The following PRKACB variants were observed in gnomAD, a reference collection of about 807,000 sequenced individuals.
PRKACB encodes the protein protein kinase cAMP-activated catalytic subunit beta.
A neutral mutation model predicts 51.4 loss-of-function variants in PRKACB; 16 were observed. That is an observed-to-expected ratio of 0.31 (90% CI 0.21 to 0.47). PRKACB has a LOEUF of 0.47. Among genes scored for constraint, PRKACB ranks in the 20% least tolerant of loss-of-function variants. PRKACB has a pLI of 1.00. For missense variants in PRKACB, 309 were observed against 464.5 expected (o/e 0.67, Z 3.08); for synonymous variants, 147 against 154.4 (o/e 0.95, Z 0.35).
chr1:84,098,555 A>G (rs1224805505), intron 1 of PRKACB, among the ~76,000 whole-genome samples: 3 of 152,114 alleles, frequency 2.0e-5, no homozygotes, highest in Non-Finnish European at 4.4e-5. Context: ...AGTTTGGTAA[A>G]GAGGAGAAGG....
chr1:84,172,548 A>G (rs1659863186), intron 1 of PRKACB, among the ~76,000 whole-genome samples: 1 of 151,746 alleles, frequency 6.6e-6, no homozygotes, highest in Non-Finnish European at 1.5e-5. Context: ...TTGTGAATGA[A>G]TACACTGTGT....
chr1:84,224,032 G>A lies in PRKACB; in HGVS notation c.1071+9715G>A, dbSNP rs573849600. On this transcript the variant is annotated intron_variant, in intron 9 of 9. Transcript: ENST00000370685. ...TCATGTTGGTTTGTTGGGCAGTTTAGCTTTTATTCTGGGTGCATGCAGTAG... is the reference window on the plus strand; with the variant it reads ...TCATGTTGGTTTGTTGGGCAGTTTAACTTTTATTCTGGGTGCATGCAGTAG... Among the ~76,000 whole-genome samples the A allele has an allele frequency of 5.9e-5, 9 of 152,274 alleles. No homozygotes were observed. In the East Asian group the frequency reaches 1.2e-3, roughly 20 times the overall value.
At chr1:84,078,414 C>T (rs779952962) in intron 1 of PRKACB, 43 of 1,597,664 alleles carry the variant, frequency 2.7e-5, no homozygotes, top group Non-Finnish European at 3.6e-5. Context: ...GGCGGGCCGG[C>T]GCGGGGCACC....
At chr1:84,232,343 C>A (rs1373268809) in intron 9 of PRKACB, among the ~76,000 whole-genome samples, 2 of 152,008 alleles carry the variant, frequency 1.3e-5, no homozygotes, top group Admixed American at 6.6e-5. Flanking sequence ...ACTTCCAACT[C>A]TGTGGTCAAT....
chr1:84,170,660 C>T (rs527683138), intron 1 of PRKACB, among the ~76,000 whole-genome samples: 1 of 151,738 alleles, frequency 6.6e-6, no homozygotes, highest in Admixed American at 6.6e-5. Context: ...AAACAAAATA[C>T]ACACACACTT....
intron 9 of PRKACB, among the ~76,000 whole-genome samples, chr1:84,227,745 C>T (rs1216922696): frequency 6.6e-6 from 1 of 152,056 alleles, no homozygotes; most frequent in East Asian, 1.9e-4. Flanking sequence ...ATCAATGAAA[C>T]AGATGTAAGG....
Position 84,086,144 on chromosome 1 carries a change from G to A in PRKACB, c.46+7773G>A, listed in dbSNP as rs1300695768. On this transcript the variant is annotated intron_variant, in intron 1 of 8. Transcript: ENST00000370688. ...GGTGTTGGTGGTGCCCACTGTGCTGGCCATGAAGAATGGGGATGTGGTGGA... is the reference window on the plus strand; with the variant it reads ...GGTGTTGGTGGTGCCCACTGTGCTGACCATGAAGAATGGGGATGTGGTGGA... The A allele has an allele frequency of 1.9e-6, 3 of 1,596,326 alleles. No individual in the cohort carries two copies. In the African/African-American group the frequency reaches 4.0e-5, roughly 21 times the overall value.
At chr1:84,197,971 A>C (rs1185571261) in intron 7 of PRKACB, 147 bp downstream of exon 7, 2 of 568,788 alleles carry the variant, frequency 3.5e-6, no homozygotes, top group African/African-American at 3.9e-5. Flanking sequence ...TGATTACTAA[A>C]GAATTATTAT....
At position 84,216,378 on chromosome 1, in the gene PRKACB, C is replaced by T. The variant is rs184022702; in HGVS notation, c.1071+2061C>T. Among the ~76,000 whole-genome samples, 24 of 151,860 alleles carry T rather than the reference C, an allele frequency of 1.6e-4. No homozygotes were observed. In the East Asian group the frequency reaches 3.7e-3, roughly 23 times the overall value. ...ATAAATAAAGATTACAAAAACAAAA[C>T]AATTAAAGAATTTTAAAATGCAGCA... is the stretch of plus-strand genomic sequence containing the variant. On this transcript the variant is annotated intron_variant, in intron 9 of 9. Transcript: ENST00000370685.
intron 9 of PRKACB, among the ~76,000 whole-genome samples, chr1:84,231,432 T>A (rs1477139175): frequency 1.3e-5 from 2 of 152,230 alleles, no homozygotes; most frequent in African/African-American, 4.8e-5. Flanking sequence ...GATGCTGGCC[T>A]CATAAAATGA....
chr1:84,154,140 A>G (rs1419717254), intron 1 of PRKACB, among the ~76,000 whole-genome samples: 2 of 152,084 alleles, frequency 1.3e-5, no homozygotes, highest in African/African-American at 4.8e-5. Flanking sequence ...AGCATTTTTC[A>G]TATACCCATT....
At chr1:84,091,071 T>C (rs1197007127) in intron 1 of PRKACB, among the ~76,000 whole-genome samples, 1 of 152,186 alleles carries the variant, frequency 6.6e-6, no homozygotes, top group Non-Finnish European at 1.5e-5. Context: ...TCTCTTTCCC[T>C]TTCTCATCGC....
chr1:84,164,978 A>G (rs1312757097), intron 1 of PRKACB: 1 of 1,545,658 alleles, frequency 6.5e-7, no homozygotes, highest in Non-Finnish European at 8.7e-7. Flanking sequence ...TATTTTGAGC[A>G]ATATGTTTTG....
intron 1 of PRKACB, among the ~76,000 whole-genome samples, chr1:84,105,400 A>G (rs1483632056): frequency 1.3e-5 from 2 of 152,176 alleles, no homozygotes; most frequent in African/African-American, 4.8e-5. Context: ...TAAGCATATC[A>G]AACTATTTTT....
At chr1:84,166,663 C>T (rs1657575654) in intron 1 of PRKACB, among the ~76,000 whole-genome samples, 1 of 151,610 alleles carries the variant, frequency 6.6e-6, no homozygotes, top group Non-Finnish European at 1.5e-5. Flanking sequence ...TGGAAAATTA[C>T]AAGAGAAGTG....
At chr1:84,088,692 A>G (rs1292671425) in intron 1 of PRKACB, among the ~76,000 whole-genome samples, 1 of 152,196 alleles carries the variant, frequency 6.6e-6, no homozygotes, top group Non-Finnish European at 1.5e-5. Context: ...CCATAGTTCA[A>G]TTCATAGAAT....
chr1:84,218,018 T>C (rs563653568), intron 9 of PRKACB, among the ~76,000 whole-genome samples: 11 of 152,296 alleles, frequency 7.2e-5, no homozygotes, highest in Non-Finnish European at 1.2e-4. Flanking sequence ...TAAATTTTTA[T>C]TGCTGCATAC....
At chr1:84,208,091 A>C (rs1023892406) in intron 8 of PRKACB, among the ~76,000 whole-genome samples, 1 of 152,026 alleles carries the variant, frequency 6.6e-6, no homozygotes, top group African/African-American at 2.4e-5. Flanking sequence ...TGGTTTTGAA[A>C]TCCTGACCTC....
chr1:84,159,932 A>T (rs1035345582), intron 1 of PRKACB, among the ~76,000 whole-genome samples: 1 of 152,086 alleles, frequency 6.6e-6, no homozygotes, highest in African/African-American at 2.4e-5. Flanking sequence ...TAAATCCCAC[A>T]TGGTCATTGT....
Sources: allele counts gnomAD v4.1 joint callset (sites outside exome capture counted in the v4.1 genomes callset), GRCh38; gene constraint gnomAD v4.1.1; transcripts MANE v1.5; gene names NCBI Gene and HGNC (gene_info 2026-07-23, HGNC 2026-07-21).